The following RAB15 variants were observed in gnomAD, a reference collection of about 807,000 sequenced individuals.
RAB15 encodes the protein RAB15, member RAS oncogene family, also known as ras-related protein Rab-15.
A neutral mutation model predicts 31.8 loss-of-function variants in RAB15; 13 were observed. The ratio of observed to expected loss-of-function variants is 0.41; its 90% confidence interval spans 0.27 to 0.65. The LOEUF is 0.65. RAB15 is among the 30% of genes least tolerant of loss of function. The pLI is 0.32. For synonymous variants in RAB15, 100 were observed against 105.6 expected, an observed-to-expected ratio of 0.95 and a Z score of 0.33; for missense variants, 220 against 277.3, an observed-to-expected ratio of 0.79 and a Z score of 1.47.
rs1419929072 is a variant in RAB15, at chr14:64,971,610, G to C, written c.124+343C>G. On this transcript the variant is annotated intron_variant, in intron 1 of 6. Transcript: ENST00000533601. This position sits in a 1 kb window ranked among gnomAD's most constrained non-coding sequence, Gnocchi z 4.1. The stretch of plus-strand genomic sequence containing the variant: ...AGAAGCTTTACTTCCCCTCCCCCTG[G>C]GGGTGTGGGGATGTTATTCCAGCGG... Among the ~76,000 whole-genome samples, 1 of 151,868 alleles carries C rather than the reference G, an allele frequency of 6.6e-6. No homozygotes were observed. The highest frequency in any genetic ancestry group is 1.5e-5 in the Non-Finnish European group (1 of 67,962).
chr14:64,963,109 CTTTTTTTTTTTTT>C (rs1165246293), intron 1 of RAB15, among the ~76,000 whole-genome samples: 5 of 96,406 alleles, frequency 5.2e-5, no homozygotes, highest in South Asian at 3.6e-4. Flanking sequence ...CCCTTCCCCA[CTTTTTTTTTTTTT>C]TTTTTTTTTT....
rs944739782 is a variant in RAB15 at position 64,955,404 on chromosome 14, T to C, written c.125-2833A>G. Among the ~76,000 whole-genome samples, 4 of 152,200 alleles carry C rather than the reference T, an allele frequency of 2.6e-5. No homozygotes were observed. Among genetic ancestry groups the C allele is most frequent in the African/African-American group, 7.2e-5 (3 of 41,436 alleles). On this transcript the variant is annotated intron_variant, in intron 1 of 6. Transcript: ENST00000533601. The surrounding 1 kb of genome is among the most constrained non-coding windows in gnomAD (Gnocchi z 4.4). ...AGTAACCCGTGCCCATCGTGGCTCC[T>C]TCCCTCTCCCTGCGTGGCTGTTGGT...
chr14:64,964,397 CTG>C (rs200376361), intron 1 of RAB15, among the ~76,000 whole-genome samples: 1,718 of 151,654 alleles, frequency 0.011, 40 homozygotes, highest in African/African-American at 0.04. Context: ...TGGTGCGTGC[CTG>C]TAGTCCCAGC....
chr14:64,967,837 C>G (rs1160338183), intron 1 of RAB15, among the ~76,000 whole-genome samples: 2 of 152,158 alleles, frequency 1.3e-5, no homozygotes, highest in African/African-American at 2.4e-5. Flanking sequence ...AGTAGAACAA[C>G]TGACTGTGTG....
Position 64,972,290 on chromosome 14 carries a change from T to TCGGCA in RAB15, c.-215_-214insTGCCG, listed in dbSNP as rs1268590328. 1 of 156,418 alleles carries TCGGCA rather than the reference T, an allele frequency of 6.4e-6. No homozygotes were observed. Among genetic ancestry groups the TCGGCA allele is most frequent in the Non-Finnish European group, 1.3e-5 (1 of 74,386 alleles). The allele number at this position is 156,418 out of a possible 1,614,324, so 9.7% of individuals were successfully genotyped here. On this transcript the variant is annotated 5_prime_UTR_variant, in exon 1 of 7. Transcript: ENST00000533601. This position sits in a 1 kb window ranked among gnomAD's most constrained non-coding sequence, Gnocchi z 6.3. ...GGCGGGAGCCCGGCGCGGCGCCCGC[T>TCGGCA]CGGCTCGGCTCGGCTCGGCTGGGCT...
In RAB15 at chr14:64,962,844, G is replaced by A. The variant is rs138918807; in HGVS notation, c.124+9109C>T. On this transcript the variant is annotated intron_variant, in intron 1 of 6. Coordinates refer to ENST00000533601, the MANE Select transcript of RAB15 (RefSeq NM_001308154.2). The surrounding 1 kb of genome is among the most constrained non-coding windows in gnomAD (Gnocchi z 4.2). ...CCTGCATCTGTACTGTTTACTGCGT[G>A]TCTTCTAGCATCTGGTTTAGTTCCT... Among the ~76,000 whole-genome samples the A allele has an allele frequency of 3.7e-4, 57 of 152,304 alleles. No homozygotes were observed. In the East Asian group the frequency reaches 7.7e-3, roughly 21 times the overall value.
intron 1 of RAB15, among the ~76,000 whole-genome samples, chr14:64,960,951 C>A (rs1886821573): frequency 6.6e-6 from 1 of 152,200 alleles, no homozygotes. Flanking sequence ...CGGGCCAGCA[C>A]CTCATGGGTT....
intron 1 of RAB15, among the ~76,000 whole-genome samples, chr14:64,956,254 G>A (rs906730458): frequency 1.3e-5 from 2 of 151,858 alleles, no homozygotes; most frequent in East Asian, 3.9e-4. Flanking sequence ...AAATACAAAC[G>A]TTAGCTAGTC....
At chr14:64,967,664 A>T (rs1042676467) in intron 1 of RAB15, among the ~76,000 whole-genome samples, 2 of 152,086 alleles carry the variant, frequency 1.3e-5, no homozygotes, top group Non-Finnish European at 2.9e-5. Context: ...GGTTTACATC[A>T]TCTCACTCCT....
intron 1 of RAB15, among the ~76,000 whole-genome samples, chr14:64,965,936 G>T (rs142494687): frequency 6.6e-6 from 1 of 152,260 alleles, no homozygotes; most frequent in Non-Finnish European, 1.5e-5. Flanking sequence ...GAAGGGGTGG[G>T]AGGCCGAGTC....
In RAB15 at chr14:64,962,053, A is replaced by T. The variant is rs563665999; in HGVS notation, c.125-9482T>A. 1.4e-4 allele frequency among the ~76,000 whole-genome samples: 21 copies of T among 152,222 alleles called. No individual in the cohort carries two copies. Among genetic ancestry groups the T allele is most frequent in the African/African-American group, 5.1e-4 (21 of 41,538 alleles). ...AACATGGTGAAACCTTGTCTCTACTAAAAATACAAAAATTAGCTGGTCGTG... is the reference window on the plus strand; with the variant it reads ...AACATGGTGAAACCTTGTCTCTACTTAAAATACAAAAATTAGCTGGTCGTG... On this transcript the variant is annotated intron_variant, in intron 1 of 6. Coordinates refer to ENST00000533601, the MANE Select transcript of RAB15 (RefSeq NM_001308154.2). The surrounding 1 kb of genome is among the most constrained non-coding windows in gnomAD (Gnocchi z 4.2).
chr14:64,972,158 G>T lies in RAB15; in HGVS notation c.-82C>A, dbSNP rs1887465561. 16 of 1,163,542 alleles carry T rather than the reference G, an allele frequency of 1.4e-5. No individual in the cohort carries two copies. The highest frequency in any genetic ancestry group is 1.6e-5 in the Non-Finnish European group (15 of 936,836). The allele number at this position is 1,163,542 out of a possible 1,614,324, so 72.1% of individuals were successfully genotyped here. On this transcript the variant is annotated 5_prime_UTR_variant, in exon 1 of 7. Coordinates refer to ENST00000533601, the MANE Select transcript of RAB15 (RefSeq NM_001308154.2). This position sits in a 1 kb window ranked among gnomAD's most constrained non-coding sequence, Gnocchi z 6.3. ...GCCGCTGCCATCGCGGCCCGCGCCCGCCCGGGGACGCTGCGGGCGGCGAGG... is the reference window on the plus strand; with the variant it reads ...GCCGCTGCCATCGCGGCCCGCGCCCTCCCGGGGACGCTGCGGGCGGCGAGG...
rs905281796 is a variant in RAB15, at chr14:64,957,495, G to A, written c.125-4924C>T. On this transcript the variant is annotated intron_variant, in intron 1 of 6. Transcript: ENST00000533601. ...AGCATCAGCAGCATCAGAGGTGTGT[G>A]AGAAATGCACATTCTCAGGACTCGC... Among the ~76,000 whole-genome samples the A allele has an allele frequency of 2.6e-5, 4 of 152,170 alleles. No homozygotes were observed. In the East Asian group the frequency reaches 7.7e-4, roughly 29 times the overall value.
chr14:64,952,519 T>A lies in RAB15; in HGVS notation c.177A>T (p.Ile59=). The change falls in exon 2 of 7, where the codon ATA becomes ATT. Residue 59 remains isoleucine, a synonymous_variant. Coordinates refer to ENST00000533601, the MANE Select transcript of RAB15 (RefSeq NM_001308154.2). The surrounding 1 kb of genome is among the most constrained non-coding windows in gnomAD (Gnocchi z 4.2). ...CCTCCTCCCCAGCTCACCAGATCTGTATCCGCACTTTGATGCCGTCTACCT... is the reference window on the plus strand; with the variant it reads ...CCTCCTCCCCAGCTCACCAGATCTGAATCCGCACTTTGATGCCGTCTACCT... ...TIEVDGIKVR[I]QIWDTAGQER... The A allele has an allele frequency of 1.2e-6, 2 of 1,612,084 alleles. No homozygotes were observed. Among genetic ancestry groups the A allele is most frequent in the Non-Finnish European group, 1.7e-6 (2 of 1,178,286 alleles).
At position 64,952,523 on chromosome 14, in the gene RAB15, C is replaced by T. The variant is rs1168396668; in HGVS notation, c.173G>A (p.Arg58Gln). The T allele has an allele frequency of 3.7e-6, 6 of 1,612,162 alleles. No individual in the cohort carries two copies. Among genetic ancestry groups the T allele is most frequent in the Admixed American group, 1.7e-5 (1 of 59,972 alleles). ...CTCCCCAGCTCACCAGATCTGTATC[C>T]GCACTTTGATGCCGTCTACCTCTAT... ...KTIEVDGIKV[R>Q]IQIWDTAGQE... Residue 58 changes from arginine to glutamine, a missense_variant, in exon 2 of 7, where the codon CGG (arginine) becomes CAG (glutamine). Physicochemically the swap from Arg to Gln is conservative, Grantham distance 43. Transcript: ENST00000533601. This position sits in a 1 kb window ranked among gnomAD's most constrained non-coding sequence, Gnocchi z 4.2.
chr14:64,964,523 AAAAAAAAG>A (rs1363320181), intron 1 of RAB15, among the ~76,000 whole-genome samples: 47 of 147,656 alleles, frequency 3.2e-4, no homozygotes, highest in East Asian at 6.4e-4. Flanking sequence ...TGTTTCAAAA[AAAAAAAAG>A]AAAAAAAGAA....
chr14:64,956,626 A>G (rs980580546), intron 1 of RAB15, among the ~76,000 whole-genome samples: 1 of 152,166 alleles, frequency 6.6e-6, no homozygotes, highest in African/African-American at 2.4e-5. Context: ...GCGAGAGCAC[A>G]AGAGTTCTCT....
rs764894367 is a variant in RAB15, at chr14:64,971,889, G to C, written c.124+64C>G. The C allele has an allele frequency of 3.4e-6, 5 of 1,468,790 alleles. No individual in the cohort carries two copies. Among genetic ancestry groups the C allele is most frequent in the Admixed American group, 4.0e-5 (2 of 49,550 alleles). The allele number at this position is 1,468,790 out of a possible 1,614,324, so 91.0% of individuals were successfully genotyped here. On this transcript the variant is annotated intron_variant, in intron 1 of 6. Coordinates refer to ENST00000533601, the MANE Select transcript of RAB15 (RefSeq NM_001308154.2). This position sits in a 1 kb window ranked among gnomAD's most constrained non-coding sequence, Gnocchi z 4.1. ...TGGCAATTCCTCCCCAGCTGGGGAC[G>C]GGGGCGGCGGGGAAAGGGGCCGCGG... is the stretch of plus-strand genomic sequence containing the variant.
intron 1 of RAB15, among the ~76,000 whole-genome samples, chr14:64,956,859 A>G (rs1886602219): frequency 6.6e-6 from 1 of 152,218 alleles, no homozygotes; most frequent in Non-Finnish European, 1.5e-5. Flanking sequence ...GCCTGGAGTC[A>G]GAAAGACCTG....
Sources: gnomAD v4.1 joint callset for allele counts (sites outside exome capture counted in the v4.1 genomes callset) on GRCh38, gnomAD v4.1.1 for gene constraint, Gnocchi (gnomAD v3.1) non-coding constraint, MANE v1.5 for transcripts, NCBI Gene and HGNC (gene_info 2026-07-23, HGNC 2026-07-21) for gene names.